The following CIMIP6 variants were observed in gnomAD, a reference collection of about 807,000 sequenced individuals.
The protein encoded by CIMIP6 is uncharacterized protein C2orf73.
the CIMIP6 span, among the ~76,000 whole-genome samples, chr2:54,346,476 A>T: frequency 9.8e-5 from 15 of 152,298 alleles, no homozygotes; most frequent in Admixed American, 3.9e-4. Flanking sequence ...CCTCTTGGAT[A>T]GCTAGTCACC....
At chr2:54,361,603 T>G in the CIMIP6 span, 8 of 152,200 alleles carry the variant, frequency 5.3e-5, no homozygotes, top group Admixed American at 1.3e-4. Flanking sequence ...ATTATATTTT[T>G]TTGTGTTGGG....
At chr2:54,379,976 TA>T in the CIMIP6 span, among the ~76,000 whole-genome samples, 3,624 of 136,578 alleles carry the variant, frequency 0.027, 105 homozygotes, top group African/African-American at 0.082. Context: ...AAAGTCCTTC[TA>T]AAAAAAAAAA....
chr2:54,373,708 T>C, the CIMIP6 span, among the ~76,000 whole-genome samples: 1 of 152,166 alleles, frequency 6.6e-6, no homozygotes, highest in Non-Finnish European at 1.5e-5. Context: ...CTCCTTGGCA[T>C]GGCATCAGTG....
At chr2:54,374,059 CTGCCTAGCCAATGG>C in the CIMIP6 span, among the ~76,000 whole-genome samples, 1 of 152,196 alleles carries the variant, frequency 6.6e-6, no homozygotes, top group Non-Finnish European at 1.5e-5. Flanking sequence ...TTATTATGTA[CTGCCTAGCCAATGG>C]CACCCAGACT....
the CIMIP6 span, among the ~76,000 whole-genome samples, chr2:54,342,728 A>C: frequency 6.6e-6 from 1 of 151,984 alleles, no homozygotes; most frequent in African/African-American, 2.4e-5. Flanking sequence ...ATAGTTTAGA[A>C]GTCTTTGGCT....
the CIMIP6 span, chr2:54,382,900 CA>C: frequency 6.6e-6 from 1 of 152,186 alleles, no homozygotes; most frequent in Non-Finnish European, 1.5e-5. Flanking sequence ...GGGGGTTGGA[CA>C]TAGTGATTCT....
At chr2:54,351,988 GA>G in the CIMIP6 span, among the ~76,000 whole-genome samples, 4 of 150,382 alleles carry the variant, frequency 2.7e-5, no homozygotes, top group Non-Finnish European at 5.9e-5. Context: ...TCCACAAGAA[GA>G]AAAAAAAACC....
the CIMIP6 span, among the ~76,000 whole-genome samples, chr2:54,333,719 T>C: frequency 1.3e-5 from 2 of 151,816 alleles, no homozygotes; most frequent in African/African-American, 4.8e-5. Context: ...CGAAACCCTG[T>C]CTCTACTAAA....
At chr2:54,361,328 T>A in the CIMIP6 span, 1 of 152,214 alleles carries the variant, frequency 6.6e-6, no homozygotes, top group Non-Finnish European at 1.5e-5. Context: ...CAACCTTTGC[T>A]TTTTGGATGA....
the CIMIP6 span, among the ~76,000 whole-genome samples, chr2:54,381,287 G>C: frequency 6.6e-6 from 1 of 152,102 alleles, no homozygotes; most frequent in Admixed American, 6.6e-5. Flanking sequence ...TCTAATCTGA[G>C]GTTCTACTCC....
At chr2:54,354,976 T>C in the CIMIP6 span, among the ~76,000 whole-genome samples, 13 of 152,242 alleles carry the variant, frequency 8.5e-5, no homozygotes, top group Admixed American at 7.2e-4. Context: ...GACATCCTCT[T>C]TGATTTATTT....
At chr2:54,358,994 CA>C in the CIMIP6 span, 1 of 1,551,804 alleles carries the variant, frequency 6.4e-7, no homozygotes, top group Non-Finnish European at 8.7e-7. Flanking sequence ...AGCAGAACTT[CA>C]AAACAATTTT....
chr2:54,334,769 T>G, the CIMIP6 span: 1 of 1,262,792 alleles, frequency 7.9e-7, no homozygotes, highest in South Asian at 1.4e-5. Context: ...TTTGACTCAA[T>G]ATTTTAATGG....
the CIMIP6 span, among the ~76,000 whole-genome samples, chr2:54,379,623 G>A: frequency 3.6e-3 from 546 of 151,888 alleles, 5 homozygotes; most frequent in African/African-American, 0.013. Flanking sequence ...GATTCCTTGA[G>A]CCCAGGAGTT....
chr2:54,334,909 C>A, the CIMIP6 span: 1 of 1,579,840 alleles, frequency 6.3e-7, no homozygotes, highest in South Asian at 1.2e-5. Flanking sequence ...ATACATCATT[C>A]AAAATCACAT....
chr2:54,345,733 A>G, the CIMIP6 span, among the ~76,000 whole-genome samples: 1 of 152,150 alleles, frequency 6.6e-6, no homozygotes. Flanking sequence ...CTAAAATAAT[A>G]ACAAAGTTTC....
At chr2:54,370,832 G>C in the CIMIP6 span, among the ~76,000 whole-genome samples, 1 of 152,264 alleles carries the variant, frequency 6.6e-6, no homozygotes, top group South Asian at 2.1e-4. Context: ...TCCCTGGAGG[G>C]GTAGTCTGCC....
chr2:54,382,241 A>T, the CIMIP6 span, among the ~76,000 whole-genome samples: 1 of 152,188 alleles, frequency 6.6e-6, no homozygotes, highest in African/African-American at 2.4e-5. Flanking sequence ...TATTGTTATC[A>T]ATGTCCAAAG....
At chr2:54,343,851 G>A in the CIMIP6 span, 2 of 1,603,972 alleles carry the variant, frequency 1.2e-6, no homozygotes, top group Admixed American at 3.5e-5. Flanking sequence ...ACAGCAAGAT[G>A]CAAAAGCCTT....
Sources: gnomAD v4.1 joint callset for allele counts (sites outside exome capture counted in the v4.1 genomes callset) on GRCh38, gnomAD v4.1.1 for gene constraint, MANE v1.5 for transcripts, NCBI Gene and HGNC (gene_info 2026-07-23, HGNC 2026-07-21) for gene names.